The following PAN3 variants were observed in gnomAD, a reference collection of about 807,000 sequenced individuals.
The protein encoded by PAN3 is PAN2-PAN3 deadenylation complex subunit PAN3.
Under a neutral mutation model 96.2 loss-of-function variants are expected in PAN3, and 19 were observed. The observed-to-expected ratio is 0.20, with a 90% confidence interval of 0.14 to 0.29. The LOEUF (loss-of-function observed/expected upper bound fraction) is 0.29. Among genes scored for constraint, PAN3 ranks in the 10% least tolerant of loss-of-function variants. The probability of loss-of-function intolerance (pLI) is 1.00; values close to 1 mark genes in which losing one functional copy is unlikely to be tolerated. For synonymous variants in PAN3, 433 were observed against 406.6 expected (o/e 1.06, Z -0.78); for missense variants, 882 against 1,108.1 (o/e 0.80, Z 2.90).
rs751308792 is a variant in PAN3 at position 28,238,702 on chromosome 13, C to CA, written c.1001-17583dup. ...TGCAGGCTTGAGTAACGTTTGTAAA[C>CA]AAAAAAACTTTCAGTCTAATTCATA... On this transcript the variant is annotated intron_variant, in intron 6 of 18. Coordinates refer to ENST00000380958, the MANE Select transcript of PAN3 (RefSeq NM_175854.8). 4.5e-4 allele frequency among the ~76,000 whole-genome samples: 68 copies of CA among 151,956 alleles called. 1 individual carries two copies. The highest frequency in any genetic ancestry group is 1.1e-3 in the Admixed American group (17 of 15,266).
intron 14 of PAN3, among the ~76,000 whole-genome samples, 172 bp from the exon 15 acceptor site, chr13:28,277,065 C>G (rs1372258656): frequency 6.6e-6 from 1 of 152,090 alleles, no homozygotes; most frequent in East Asian, 1.9e-4. Flanking sequence ...TAGAGAGGCT[C>G]GAAGTCGTCT....
intron 6 of PAN3, among the ~76,000 whole-genome samples, chr13:28,247,902 C>G (rs1884358254): frequency 6.6e-6 from 1 of 151,950 alleles, no homozygotes; most frequent in African/African-American, 2.4e-5. Flanking sequence ...TTTGGCTATT[C>G]AGGTTTTTTT....
At chr13:28,173,497 G>C (rs1398150844) in intron 1 of PAN3, among the ~76,000 whole-genome samples, 2 of 152,080 alleles carry the variant, frequency 1.3e-5, no homozygotes, top group South Asian at 4.1e-4. Flanking sequence ...AAACTAAGAA[G>C]AAAATAAAAA....
intron 15 of PAN3, among the ~76,000 whole-genome samples, chr13:28,279,718 C>A (rs1161472837): frequency 6.6e-6 from 1 of 151,676 alleles, no homozygotes; most frequent in East Asian, 2.0e-4. Flanking sequence ...CGAGATCACG[C>A]CACTGCACTC....
chr13:28,281,665 T>G (rs969070734), intron 17 of PAN3, among the ~76,000 whole-genome samples: 5 of 152,184 alleles, frequency 3.3e-5, no homozygotes, highest in African/African-American at 1.2e-4. Context: ...CTACCCTATC[T>G]TCTTTTTGAG....
intron 5 of PAN3, among the ~76,000 whole-genome samples, chr13:28,204,342 T>C (rs1879100616): frequency 6.6e-6 from 1 of 152,242 alleles, no homozygotes; most frequent in South Asian, 2.1e-4. Flanking sequence ...GTTCTATGAC[T>C]ACATAGTTCA....
At chr13:28,260,350 C>T (rs994584340) in intron 7 of PAN3, 97 bp from the exon 8 acceptor site, 45 of 862,002 alleles carry the variant, frequency 5.2e-5, no homozygotes, top group Admixed American at 2.0e-4. Flanking sequence ...GCCGAGATTG[C>T]GCCACTGAAC....
In PAN3 at chr13:28,267,355, C is replaced by G. The variant is rs746084006; in HGVS notation, c.1746C>G (p.His582Gln). Residue 582 changes from histidine to glutamine, a missense_variant, in exon 12 of 19, where the codon CAC (histidine) becomes CAG (glutamine). His to Gln is a conservative substitution (Grantham distance 24). This residue lies in a region of PAN3 where 364 missense variants were observed against 513.6 expected (regional missense o/e 0.71). Coordinates refer to ENST00000380958, the MANE Select transcript of PAN3 (RefSeq NM_175854.8). ...GAGGAGAAACTATGATGAGCAGACA[C>G]TTTAATGACCCTAATGCTGATGCCT... ...HAGGETMMSR[H>Q]FNDPNADAYF... 4 of 1,613,838 alleles carry G rather than the reference C, an allele frequency of 2.5e-6. No individual in the cohort carries two copies. The highest frequency in any genetic ancestry group is 3.4e-6 in the Non-Finnish European group (4 of 1,179,832).
At chr13:28,236,405 A>C (rs1046973883) in intron 6 of PAN3, among the ~76,000 whole-genome samples, 51 of 152,308 alleles carry the variant, frequency 3.3e-4, no homozygotes, top group African/African-American at 1.2e-3. Context: ...TATTTTTAAA[A>C]AATTCACAGG....
At chr13:28,227,345 C>A (rs1410772445) in intron 6 of PAN3, among the ~76,000 whole-genome samples, 1 of 152,050 alleles carries the variant, frequency 6.6e-6, no homozygotes, top group Admixed American at 6.6e-5. Context: ...TGTGAACTTC[C>A]TGTTTAAATC....
chr13:28,175,069 A>T (rs1344495531), intron 2 of PAN3, among the ~76,000 whole-genome samples: 1 of 152,102 alleles, frequency 6.6e-6, no homozygotes, highest in Non-Finnish European at 1.5e-5. Flanking sequence ...TGTATTGCAC[A>T]ATTTTGTAGA....
chr13:28,144,718 C>CCTTTTTTTTTTTTTTTTT lies in PAN3; in HGVS notation c.430+5631_430+5632insCTTTTTTTTTTTTTTTTT, dbSNP rs1555267661. 4.3e-5 allele frequency among the ~76,000 whole-genome samples: 2 copies of CCTTTTTTTTTTTTTTTTT among 46,776 alleles called. 1 individual carries two copies. The allele number at this position is 46,776 out of a possible 152,430, so 30.7% of individuals were successfully genotyped here. ...TATCAAAAGCAAACCAAAACATCAT[C>CCTTTTTTTTTTTTTTTTT]TTTTTTTTTTTTTTTTTTTTTCCTC... is the stretch of plus-strand genomic sequence containing the variant. On this transcript the variant is annotated intron_variant, in intron 1 of 18. Coordinates refer to ENST00000380958, the MANE Select transcript of PAN3 (RefSeq NM_175854.8).
At chr13:28,146,926 C>T (rs566274899) in intron 1 of PAN3, among the ~76,000 whole-genome samples, 9 of 151,490 alleles carry the variant, frequency 5.9e-5, no homozygotes, top group Non-Finnish European at 1.2e-4. Context: ...AGGGTTGCAG[C>T]GACCTGAGAT....
intron 5 of PAN3, among the ~76,000 whole-genome samples, chr13:28,206,553 C>T (rs184774296): frequency 1.6e-3 from 239 of 151,990 alleles, no homozygotes; most frequent in African/African-American, 5.7e-3. Flanking sequence ...AACTCCTGAC[C>T]TCAGGTGATC....
chr13:28,165,205 C>A (rs535848086), intron 1 of PAN3, among the ~76,000 whole-genome samples: 2 of 151,858 alleles, frequency 1.3e-5, no homozygotes, highest in Non-Finnish European at 2.9e-5. Context: ...TGTGCCCAGC[C>A]GAAGTTCTGA....
rs200330618 is a variant in PAN3 at position 28,174,348 on chromosome 13, C to T, written c.507C>T (p.Val169=). The T allele has an allele frequency of 6.8e-6, 11 of 1,612,980 alleles. No homozygotes were observed. Among genetic ancestry groups the T allele is most frequent in the Non-Finnish European group, 8.5e-6 (10 of 1,179,076 alleles). Residue 169 remains valine, a synonymous_variant, in exon 2 of 19, where the codon GTC becomes GTT. Transcript: ENST00000380958. ...ATTTTAGCACCAGCTTTATTGGAGT[C>T]AATGGATTTGGAAGCCCTGTAGAAA... The part of the protein sequence containing the change: ...DSYFSTSFIG[V]NGFGSPVETK...
At position 28,261,546 on chromosome 13, in the gene PAN3, T is replaced by C. The variant is rs45492602; in HGVS notation, c.1411+88T>C. ...ATGTTTTATGCATTATTAAGAAGAG[T>C]TCCAGGCTGGGCCTGGTGGCTCATA... On this transcript the variant is annotated intron_variant, in intron 9 of 18. Transcript: ENST00000380958. 7.6e-3 allele frequency: 9,400 copies of C among 1,241,020 alleles called. 512 individuals are homozygous for C. The African/African-American group carries it at 0.12, about 16-fold the overall frequency. The allele number at this position is 1,241,020 out of a possible 1,614,324, so 76.9% of individuals were successfully genotyped here.
In PAN3 at chr13:28,174,237, T is replaced by C. The variant is rs1219921350; in HGVS notation, c.431-35T>C. On this transcript the variant is annotated intron_variant, in intron 1 of 18. Coordinates refer to ENST00000380958, the MANE Select transcript of PAN3 (RefSeq NM_175854.8). ...GAAATCAATGTTTCATCCTCTGAAA[T>C]AATTTTAAATACTTGAATTTTCCTT... 4 of 1,589,430 alleles carry C rather than the reference T, an allele frequency of 2.5e-6. No individual in the cohort carries two copies. In the African/African-American group the frequency reaches 5.4e-5, roughly 22 times the overall value.
chr13:28,178,880 C>T (rs767002930), intron 4 of PAN3, among the ~76,000 whole-genome samples: 6 of 152,074 alleles, frequency 3.9e-5, no homozygotes, highest in Non-Finnish European at 5.9e-5. Context: ...TATCCCCAAA[C>T]TCGTTGAGTT....
Sources: allele counts gnomAD v4.1 joint callset (sites outside exome capture counted in the v4.1 genomes callset), GRCh38; gene constraint gnomAD v4.1.1; regional missense constraint gnomAD v4.1.1; transcripts MANE v1.5; gene names NCBI Gene and HGNC (gene_info 2026-07-23, HGNC 2026-07-21).